NSD3: variants seen among roughly 807,000 people sequenced by gnomAD.
NSD3 encodes histone-lysine N-methyltransferase NSD3.
In NSD3, 24 loss-of-function variants were observed where a neutral mutation model predicts 160.8. That is an observed-to-expected ratio of 0.15 (90% confidence interval 0.11 to 0.21). The LOEUF (loss-of-function observed/expected upper bound fraction) is 0.21, where lower values mean the gene tolerates loss of function less well. Among genes scored for constraint, NSD3 ranks in the 10% least tolerant of loss-of-function variants. The pLI, the probability that NSD3 is intolerant of heterozygous loss-of-function variation, is 1.00. For synonymous variants in NSD3, 520 were observed against 600.0 expected, an observed-to-expected ratio of 0.87 and a Z score of 1.95; for missense variants, 1,157 against 1,735.9, an observed-to-expected ratio of 0.67 and a Z score of 5.93.
intron 4 of NSD3, among the ~76,000 whole-genome samples, chr8:38,334,539 G>A (rs1324366832): frequency 6.6e-6 from 1 of 152,132 alleles, no homozygotes; most frequent in Non-Finnish European, 1.5e-5. Context: ...CAGATCACAA[G>A]GTCAGGAGTT....
At chr8:38,289,014 CAA>C (rs1283441353) in intron 18 of NSD3, among the ~76,000 whole-genome samples, 4 of 152,078 alleles carry the variant, frequency 2.6e-5, no homozygotes, top group African/African-American at 7.2e-5. Flanking sequence ...TAACTGAAAA[CAA>C]GAGAAAATAC....
At position 38,321,458 on chromosome 8, in the gene NSD3, A is replaced by G. The variant is rs1809794420; in HGVS notation, c.1709-286T>C. ...AAAGTCAAACTAAAACAGCAGACAC[A>G]TTAGTTTTAAAGGCACATAAACATC... is the stretch of plus-strand genomic sequence containing the variant. On this transcript the variant is annotated intron_variant, in intron 7 of 23. Coordinates refer to ENST00000317025, the MANE Select transcript of NSD3 (RefSeq NM_023034.2). The surrounding 1 kb of genome is among the most constrained non-coding windows in gnomAD (Gnocchi z 4.7). Among the ~76,000 whole-genome samples the G allele has an allele frequency of 6.6e-6, 1 of 152,206 alleles. No homozygotes were observed. Among genetic ancestry groups the G allele is most frequent in the Non-Finnish European group, 1.5e-5 (1 of 68,032 alleles).
chr8:38,348,429 T>G (rs1013951625), intron 1 of NSD3, among the ~76,000 whole-genome samples: 1 of 152,232 alleles, frequency 6.6e-6, no homozygotes, highest in African/African-American at 2.4e-5. Context: ...AAACTCCTGA[T>G]TACTTTCACA....
At position 38,274,237 on chromosome 8, in the gene NSD3, G is replaced by A. The variant is rs1021928602; in HGVS notation, c.*1404C>T. The A allele has an allele frequency of 6.6e-6, 1 of 152,178 alleles. No homozygotes were observed. The highest frequency in any genetic ancestry group is 2.4e-5 in the African/African-American group (1 of 41,448). 9.4% of individuals were successfully genotyped at this position (152,178 alleles called of 1,614,324 possible). On this transcript the variant is annotated 3_prime_UTR_variant, in exon 24 of 24. Transcript: ENST00000317025. ...ACATTACTAATTATTTTCATACAAG[G>A]AATACTGGAATATACATATTCCTAA...
chr8:38,312,507 C>T (rs1042892338), intron 12 of NSD3, among the ~76,000 whole-genome samples: 7 of 152,026 alleles, frequency 4.6e-5, no homozygotes, highest in African/African-American at 1.7e-4. Context: ...TTTGTCCCCA[C>T]CCAAATCTCC....
intron 1 of NSD3, among the ~76,000 whole-genome samples, chr8:38,360,499 T>C (rs936986086): frequency 6.6e-6 from 1 of 152,244 alleles, no homozygotes. Context: ...TGGTTGAGGC[T>C]GACTCTTTCA....
rs764987403 is a variant in NSD3 at position 38,315,424 on chromosome 8, C to G, written c.2107G>C (p.Val703Leu). ...ACCAGTTACCTGCCTACCTGACATA[C>G]AGTGTCCTTCTTACTCATTCCAGTG... ...RGTGMSKKDT[V>L]CQICESSGDS... The change falls in exon 11 of 24, where the codon GTA becomes CTA. Residue 703 changes from valine to leucine, a missense_variant. Physicochemically the swap from Val to Leu is conservative, Grantham distance 32. Coordinates refer to ENST00000317025, the MANE Select transcript of NSD3 (RefSeq NM_023034.2). The G allele has an allele frequency of 6.3e-7, 1 of 1,582,178 alleles. No individual in the cohort carries two copies. The highest frequency in any genetic ancestry group is 2.0e-5 in the Admixed American group (1 of 51,046).
chr8:38,367,751 C>G (rs1277405811), intron 1 of NSD3, among the ~76,000 whole-genome samples: 1 of 152,072 alleles, frequency 6.6e-6, no homozygotes, highest in African/African-American at 2.4e-5. Flanking sequence ...TAAATCTCAT[C>G]TATCACCTTA....
intron 1 of NSD3, among the ~76,000 whole-genome samples, chr8:38,350,684 G>A (rs554118368): frequency 1.3e-5 from 2 of 152,174 alleles, no homozygotes; most frequent in Non-Finnish European, 2.9e-5. Context: ...ATCTGGGGTG[G>A]GGTCCTGGGC....
intron 12 of NSD3, among the ~76,000 whole-genome samples, chr8:38,307,798 C>G (rs775495033): frequency 6.6e-6 from 1 of 152,102 alleles, no homozygotes; most frequent in East Asian, 1.9e-4. Flanking sequence ...GACTGATGAT[C>G]GAGGGTAACA....
intron 11 of NSD3, 60 bp from the exon 12 acceptor site, chr8:38,314,833 C>A (rs73674146): frequency 1.3e-6 from 2 of 1,555,424 alleles, no homozygotes; most frequent in Admixed American, 1.8e-5. Flanking sequence ...ACCACATGGG[C>A]GGCTTGTTAA....
chr8:38,277,457 T>C (rs1808628935), intron 22 of NSD3, among the ~76,000 whole-genome samples: 1 of 152,066 alleles, frequency 6.6e-6, no homozygotes, highest in African/African-American at 2.4e-5. Context: ...TTTGTATTTT[T>C]AGTAGAGATG....
chr8:38,308,592 G>C (rs191180761), intron 12 of NSD3, among the ~76,000 whole-genome samples: 5 of 152,228 alleles, frequency 3.3e-5, no homozygotes, highest in Admixed American at 3.3e-4. Context: ...GCCGAGGCGG[G>C]AGGATCACTT....
chr8:38,362,184 A>G (rs1340691259), intron 1 of NSD3, among the ~76,000 whole-genome samples: 1 of 145,108 alleles, frequency 6.9e-6, no homozygotes, highest in Non-Finnish European at 1.5e-5. Context: ...GAATTCCCAG[A>G]GCCAACTATA....
rs1809652317 is a variant in NSD3 at position 38,315,907 on chromosome 8, T to C, written c.1986+5A>G. 1 of 1,613,562 alleles carries C rather than the reference T, an allele frequency of 6.2e-7. No individual in the cohort carries two copies. The highest frequency in any genetic ancestry group is 1.3e-5 in the African/African-American group (1 of 75,030). On this transcript the variant is annotated splice_donor_5th_base_variant and intron_variant, in intron 10 of 23. Transcript: ENST00000317025. ...CACTTTGTCCAGACCCTTGCACATA[T>C]TTACCTGCAGGTCACTCAGTCCTCT...
intron 1 of NSD3, among the ~76,000 whole-genome samples, chr8:38,378,306 C>G (rs1476291881): frequency 1.3e-5 from 2 of 151,886 alleles, no homozygotes; most frequent in African/African-American, 2.4e-5. Flanking sequence ...GAGTTTGAGA[C>G]CAGCCTGGCC....
intron 4 of NSD3, 139 bp from the exon 5 acceptor site, chr8:38,331,724 C>A: frequency 5.1e-6 from 4 of 791,258 alleles, no homozygotes; most frequent in South Asian, 4.4e-5. Flanking sequence ...AGATATGTTC[C>A]AATACCCACC....
intron 16 of NSD3, among the ~76,000 whole-genome samples, chr8:38,292,706 G>A (rs1585860605): frequency 6.6e-6 from 1 of 151,502 alleles, no homozygotes; most frequent in African/African-American, 2.4e-5. Flanking sequence ...GGAGAATGGC[G>A]TGAACCCGGG....
chr8:38,333,431 T>G (rs1182014145), intron 4 of NSD3, among the ~76,000 whole-genome samples: 1 of 152,236 alleles, frequency 6.6e-6, no homozygotes, highest in Non-Finnish European at 1.5e-5. Context: ...AGCTAAATTT[T>G]TAATGAGTCC....
Sources: allele counts gnomAD v4.1 joint callset (sites outside exome capture counted in the v4.1 genomes callset), GRCh38; gene constraint gnomAD v4.1.1; non-coding constraint Gnocchi (gnomAD v3.1); transcripts MANE v1.5; gene names NCBI Gene and HGNC (gene_info 2026-07-23, HGNC 2026-07-21).